Variants in WWOX observed in about 807,000 individuals in gnomAD.
WWOX encodes WW domain containing oxidoreductase, also known as WW domain-containing oxidoreductase.
A neutral mutation model predicts 46.2 loss-of-function variants in WWOX; 69 were observed. The observed-to-expected ratio is 1.49, with a 90% CI of 1.23 to 1.82. The LOEUF (loss-of-function observed/expected upper bound fraction) is 1.82. Among genes scored for constraint, WWOX ranks in the 40% most tolerant of loss-of-function variants. The pLI is 0.00. For synonymous variants in WWOX, 359 were observed against 202.6 expected (o/e 1.77, Z -6.56); for missense variants, 919 against 542.6 (o/e 1.69, Z -6.89).
chr16:78,622,294 G>C (rs1452873885), intron 8 of WWOX, among the ~76,000 whole-genome samples: 1 of 152,040 alleles, frequency 6.6e-6, no homozygotes, highest in Non-Finnish European at 1.5e-5. Flanking sequence ...TGTAATCCCA[G>C]CACTTTGGGA....
intron 8 of WWOX, among the ~76,000 whole-genome samples, chr16:79,154,735 C>A (rs2050347962): frequency 6.6e-6 from 1 of 152,142 alleles, no homozygotes; most frequent in South Asian, 2.1e-4. Flanking sequence ...GCCAGTTAAA[C>A]CAGTTTTCAT....
chr16:78,371,004 T>G (rs1232307038), intron 5 of WWOX, among the ~76,000 whole-genome samples: 1 of 150,556 alleles, frequency 6.6e-6, no homozygotes, highest in Admixed American at 6.6e-5. Flanking sequence ...TTTACTTGTT[T>G]GTCCTTTCTT....
intron 8 of WWOX, among the ~76,000 whole-genome samples, chr16:79,126,319 AT>A (rs2049753244): frequency 1.3e-5 from 2 of 152,090 alleles, no homozygotes; most frequent in Non-Finnish European, 2.9e-5. Flanking sequence ...AAGTGATATG[AT>A]TTGGCTCTGT....
intron 8 of WWOX, among the ~76,000 whole-genome samples, chr16:79,071,599 T>C (rs2048552489): frequency 6.6e-6 from 1 of 152,254 alleles, no homozygotes; most frequent in African/African-American, 2.4e-5. Flanking sequence ...CAGCCTCCTG[T>C]CCCATTACAC....
At chr16:78,124,793 G>A (rs2033288030) in intron 4 of WWOX, among the ~76,000 whole-genome samples, 2 of 152,130 alleles carry the variant, frequency 1.3e-5, no homozygotes, top group African/African-American at 4.8e-5. Flanking sequence ...GATTTTTGGA[G>A]CCTTCATGTT....
At chr16:78,219,826 C>T (rs1218031999) in intron 5 of WWOX, among the ~76,000 whole-genome samples, 3 of 152,222 alleles carry the variant, frequency 2.0e-5, no homozygotes, top group East Asian at 3.9e-4. Flanking sequence ...TCTTTCTCTT[C>T]CTGTTCTCTT....
At chr16:78,948,542 GGTGCCC>G (rs1359014346) in intron 8 of WWOX, among the ~76,000 whole-genome samples, 10 of 152,098 alleles carry the variant, frequency 6.6e-5, no homozygotes, top group African/African-American at 2.4e-4. Flanking sequence ...CTGATTGGTA[GGTGCCC>G]ATGACAGCTC....
At chr16:78,729,156 A>G (rs1014267721) in intron 8 of WWOX, among the ~76,000 whole-genome samples, 13 of 151,912 alleles carry the variant, frequency 8.6e-5, no homozygotes, top group Non-Finnish European at 1.8e-4. Context: ...CAGCCTGGCC[A>G]ACATGGTGAA....
chr16:79,199,007 G>A (rs2051294698), intron 8 of WWOX, among the ~76,000 whole-genome samples: 1 of 152,142 alleles, frequency 6.6e-6, no homozygotes, highest in Admixed American at 6.5e-5. Flanking sequence ...TCTGTCACTT[G>A]CTCTTTGACC....
At chr16:78,693,505 T>G (rs1157301269) in intron 8 of WWOX, among the ~76,000 whole-genome samples, 1 of 152,194 alleles carries the variant, frequency 6.6e-6, no homozygotes, top group South Asian at 2.1e-4. Context: ...ACAAATATAA[T>G]AGAAATAATT....
intron 8 of WWOX, among the ~76,000 whole-genome samples, chr16:79,124,043 T>C (rs2049697321): frequency 6.6e-6 from 1 of 152,164 alleles, no homozygotes; most frequent in African/African-American, 2.4e-5. Flanking sequence ...TATTAAATAA[T>C]TTCTTTGCCT....
At chr16:78,813,999 G>C (rs531738924) in intron 8 of WWOX, among the ~76,000 whole-genome samples, 80 of 152,272 alleles carry the variant, frequency 5.3e-4, no homozygotes, top group South Asian at 1.2e-3. Context: ...GCTGGTTTAA[G>C]GCAACTGCTG....
chr16:78,340,025 G>A lies in WWOX; in HGVS notation c.517-46835G>A, dbSNP rs1333126568. Among the ~76,000 whole-genome samples, 4 of 45,532 alleles carry A rather than the reference G, an allele frequency of 8.8e-5. 2 individuals carry two copies. Among genetic ancestry groups the A allele is most frequent in the Non-Finnish European group, 2.2e-4 (4 of 18,422 alleles). 29.9% of individuals were successfully genotyped at this position (45,532 alleles called of 152,430 possible). On this transcript the variant is annotated intron_variant, in intron 5 of 8. Transcript: ENST00000566780. ...TCTTTCCATGGATTTGGTGGGGGGG[G>A]GGGGGACGTTTCTATTTCCTTTATG...
At chr16:78,820,662 C>A (rs1174781394) in intron 8 of WWOX, among the ~76,000 whole-genome samples, 1 of 152,120 alleles carries the variant, frequency 6.6e-6, no homozygotes, top group South Asian at 2.1e-4. Flanking sequence ...ATTTTAATAC[C>A]AACCATGCCA....
intron 8 of WWOX, among the ~76,000 whole-genome samples, chr16:78,939,166 G>A (rs898060500): frequency 2.0e-5 from 3 of 152,124 alleles, no homozygotes; most frequent in Admixed American, 2.0e-4. Flanking sequence ...TATTACAGAT[G>A]CCTCCCAGAA....
Position 78,561,043 on chromosome 16 carries a change from T to C in WWOX, c.1056+128291T>C, listed in dbSNP as rs191769940. Among the ~76,000 whole-genome samples, 14 of 152,324 alleles carry C rather than the reference T, an allele frequency of 9.2e-5. No individual in the cohort carries two copies. The East Asian group carries it at 2.5e-3, about 27-fold the overall frequency. ...CGCTGGAGGAACATCCTTTCCTGCA[T>C]GCTCTGTGGAAGAATCCACTGCCAA... On this transcript the variant is annotated intron_variant, in intron 8 of 8. Transcript: ENST00000566780.
At chr16:78,831,746 A>G (rs922075231) in intron 8 of WWOX, among the ~76,000 whole-genome samples, 2 of 152,234 alleles carry the variant, frequency 1.3e-5, no homozygotes, top group Non-Finnish European at 2.9e-5. Flanking sequence ...CTCAGTAAAT[A>G]CTAGTGAAAA....
intron 5 of WWOX, among the ~76,000 whole-genome samples, chr16:78,214,728 C>G (rs947029664): frequency 1.3e-5 from 2 of 152,192 alleles, no homozygotes; most frequent in Admixed American, 1.3e-4. Flanking sequence ...GTTTGACCCT[C>G]AGTTGGCTTC....
intron 5 of WWOX, among the ~76,000 whole-genome samples, chr16:78,293,978 GAAAA>G (rs35079271): frequency 3.3e-5 from 1 of 30,312 alleles, no homozygotes; most frequent in African/African-American, 1.0e-4. Flanking sequence ...CTCTGTCTCA[GAAAA>G]AAAAAAAAAA....
Sources: allele counts gnomAD v4.1 joint callset (sites outside exome capture counted in the v4.1 genomes callset), GRCh38; gene constraint gnomAD v4.1.1; transcripts MANE v1.5; gene names NCBI Gene and HGNC (gene_info 2026-07-23, HGNC 2026-07-21).